Variants in ZFP1 observed in about 807,000 individuals in gnomAD.
ZFP1 encodes the protein ZFP1 zinc finger protein.
ZFP1 carries 32 observed loss-of-function variants against 38.5 expected under a neutral mutation model. That is an observed-to-expected ratio of 0.83 (90% CI 0.63 to 1.12). ZFP1 has a LOEUF of 1.12. Ranked by LOEUF, ZFP1 falls within the 50% of genes most tolerant of loss-of-function variation. The pLI is 0.00. For missense variants in ZFP1, 616 were observed against 480.8 expected (o/e 1.28, Z -2.63); for synonymous variants, 245 against 168.8 (o/e 1.45, Z -3.50).
In ZFP1 at chr16:75,161,789, T is replaced by A. The variant is rs1380355156; in HGVS notation, c.16-4981T>A. Among the ~76,000 whole-genome samples the A allele has an allele frequency of 3.8e-5, 3 of 77,950 alleles. 1 individual carries two copies. Among genetic ancestry groups the A allele is most frequent in the Non-Finnish European group, 7.9e-5 (3 of 37,946 alleles). 51.1% of individuals were successfully genotyped at this position (77,950 alleles called of 152,430 possible). A position where few individuals can be genotyped will look rare whatever the true frequency, so the allele number is the denominator to read the frequency against. The stretch of plus-strand genomic sequence containing the variant: ...ATATATATATATTTTTTTTTTTTTT[T>A]TTTTTTTTTTTCCTGAGATGGAGTC... On this transcript the variant is annotated intron_variant, in intron 2 of 3. Coordinates refer to ENST00000570010, the MANE Select transcript of ZFP1 (RefSeq NM_153688.4).
At chr16:75,154,607 C>T (rs1311559275) in intron 2 of ZFP1, among the ~76,000 whole-genome samples, 3 of 115,188 alleles carry the variant, frequency 2.6e-5, no homozygotes, top group African/African-American at 6.8e-5. Flanking sequence ...TTTTAAGGAG[C>T]GGAAAGTTTA....
At chr16:75,127,570 C>A in the ZFP1 span, among the ~76,000 whole-genome samples, 1 of 152,140 alleles carries the variant, frequency 6.6e-6, no homozygotes, top group African/African-American at 2.4e-5. Context: ...ATCCGCTGGC[C>A]TCAGCCTCCC....
At chr16:75,137,913 T>C in the ZFP1 span, among the ~76,000 whole-genome samples, 3 of 151,142 alleles carry the variant, frequency 2.0e-5, no homozygotes, top group Non-Finnish European at 4.4e-5. Flanking sequence ...AATAAATAAA[T>C]GATTGAATAC....
At chr16:75,140,955 T>G in the ZFP1 span, among the ~76,000 whole-genome samples, 1 of 151,710 alleles carries the variant, frequency 6.6e-6, no homozygotes, top group Admixed American at 6.6e-5. Context: ...CAAGACTCCA[T>G]CTCAAAAAAA....
rs996418387 is a variant in ZFP1, at chr16:75,171,559, G to A, written c.*1225G>A. The stretch of plus-strand genomic sequence containing the variant: ...ATCAGATTTTTCAGTGGTCTCTCCA[G>A]ATATTAACAAGAATTGTTGTGTAAC... On this transcript the variant is annotated 3_prime_UTR_variant, in exon 4 of 4. Transcript: ENST00000570010. The A allele has an allele frequency of 6.6e-6, 1 of 152,138 alleles. No individual in the cohort carries two copies. Among genetic ancestry groups the A allele is most frequent in the Non-Finnish European group, 1.5e-5 (1 of 68,024 alleles). 9.4% of individuals were successfully genotyped at this position (152,138 alleles called of 1,614,324 possible).
At chr16:75,147,742 T>C (rs140564045), upstream of ZFP1, among the ~76,000 whole-genome samples, 1 of 152,250 alleles carries the variant, frequency 6.6e-6, no homozygotes, top group South Asian at 2.1e-4. Flanking sequence ...AACCTAAAAC[T>C]GTTCTAAAGG....
At chr16:75,151,735 AAAAAGT>A (rs949794674) in intron 1 of ZFP1, among the ~76,000 whole-genome samples, 10 of 151,484 alleles carry the variant, frequency 6.6e-5, no homozygotes, top group Non-Finnish European at 1.5e-5. Context: ...TAAAAGCAAG[AAAAAGT>A]ATCTATTGTG....
chr16:75,154,090 G>A (rs2037347901), intron 2 of ZFP1, among the ~76,000 whole-genome samples: 1 of 152,230 alleles, frequency 6.6e-6, no homozygotes, highest in Admixed American at 6.5e-5. Context: ...CAGGCGTGGT[G>A]GCGGGCGCCT....
chr16:75,129,099 C>T, the ZFP1 span, among the ~76,000 whole-genome samples: 491 of 152,294 alleles, frequency 3.2e-3, 3 homozygotes, highest in African/African-American at 0.011. Flanking sequence ...CAGCCACTTT[C>T]GTATCTGTCT....
In ZFP1 at chr16:75,170,040, C is replaced by G; in HGVS notation, c.930C>G (p.Asn310Lys). ...CAAAAACCTTCTTTAAGAAGTCAAA[C>G]CTTATCATACATCAGAAGATTCACA... is the stretch of plus-strand genomic sequence containing the variant. ...ECAKTFFKKS[N>K]LIIHQKIHTG... The change falls in exon 4 of 4, where the codon AAC becomes AAG. Residue 310 changes from asparagine (N) to lysine (K), a missense_variant. By Grantham distance (94) the Asn-to-Lys change is moderately conservative. Coordinates refer to ENST00000570010, the MANE Select transcript of ZFP1 (RefSeq NM_153688.4). 6.2e-7 allele frequency: 1 copy of G among 1,614,136 alleles called. No homozygotes were observed. The highest frequency in any genetic ancestry group is 8.5e-7 in the Non-Finnish European group (1 of 1,180,030).
At position 75,170,552 on chromosome 16, in the gene ZFP1, T is replaced by A; in HGVS notation, c.*218T>A. On this transcript the variant is annotated 3_prime_UTR_variant, in exon 4 of 4. Coordinates refer to ENST00000570010, the MANE Select transcript of ZFP1 (RefSeq NM_153688.4). Reference sequence around the variant, plus strand: ...ATATCAGAATATATCCAGTTGTAAATAGCCATACCCAGTTGTACTACAATG... The same window carrying A: ...ATATCAGAATATATCCAGTTGTAAAAAGCCATACCCAGTTGTACTACAATG... The A allele has an allele frequency of 1.7e-6, 1 of 575,922 alleles. No individual in the cohort carries two copies. Among genetic ancestry groups the A allele is most frequent in the Non-Finnish European group, 2.7e-6 (1 of 376,772 alleles). The allele number at this position is 575,922 out of a possible 1,614,324, so 35.7% of individuals were successfully genotyped here. A position where few individuals can be genotyped will look rare whatever the true frequency, so the allele number is the denominator to read the frequency against.
rs138805967 is a variant in ZFP1, at chr16:75,165,931, G to T, written c.16-839G>T. ...AATGTACCTTTTGCATTTCAGTTTA[G>T]ATATTTACTGACATTTTTTGACTAA... On this transcript the variant is annotated intron_variant, in intron 2 of 3. Transcript: ENST00000570010. Among the ~76,000 whole-genome samples the T allele has an allele frequency of 3.5e-4, 54 of 152,128 alleles. No homozygotes were observed. The East Asian group carries it at 0.01, about 28-fold the overall frequency.
chr16:75,125,586 GT>G, the ZFP1 span, among the ~76,000 whole-genome samples: 1 of 152,112 alleles, frequency 6.6e-6, no homozygotes, highest in Non-Finnish European at 1.5e-5. Flanking sequence ...GCCTTCCAAA[GT>G]GCTGGGATTA....
At chr16:75,162,083 C>G (rs1335622196) in intron 2 of ZFP1, among the ~76,000 whole-genome samples, 7 of 151,664 alleles carry the variant, frequency 4.6e-5, no homozygotes, top group Non-Finnish European at 1.0e-4. Context: ...CCGTGCCCAG[C>G]CGAAATATTT....
At chr16:75,137,082 G>T in the ZFP1 span, among the ~76,000 whole-genome samples, 1 of 151,998 alleles carries the variant, frequency 6.6e-6, no homozygotes, top group Non-Finnish European at 1.5e-5. Flanking sequence ...TTGGAGAAAG[G>T]GCTGATTTTA....
chr16:75,123,359 T>C, the ZFP1 span, among the ~76,000 whole-genome samples: 1 of 140,246 alleles, frequency 7.1e-6, no homozygotes, highest in African/African-American at 3.0e-5. Context: ...CTAAAATATA[T>C]ATATGTGTAT....
At chr16:75,167,183 T>C (rs540272205) in intron 3 of ZFP1, among the ~76,000 whole-genome samples, 62 of 152,318 alleles carry the variant, frequency 4.1e-4, no homozygotes, top group African/African-American at 1.5e-3. Context: ...GAGTTGTCAA[T>C]TCAGAACATT....
At chr16:75,152,070 A>G (rs904645223) in intron 1 of ZFP1, among the ~76,000 whole-genome samples, 9 of 152,180 alleles carry the variant, frequency 5.9e-5, no homozygotes. Context: ...GAAGGTGGCT[A>G]TGATTCATTA....
At chr16:75,120,749 C>T in the ZFP1 span, among the ~76,000 whole-genome samples, 1 of 150,352 alleles carries the variant, frequency 6.7e-6, no homozygotes, top group South Asian at 2.1e-4. Context: ...CTACAAGCGC[C>T]ACCATGCCCA....
Sources: allele counts gnomAD v4.1 joint callset (sites outside exome capture counted in the v4.1 genomes callset), GRCh38; gene constraint gnomAD v4.1.1; transcripts MANE v1.5; gene names NCBI Gene and HGNC (gene_info 2026-07-23, HGNC 2026-07-21).